Variants in ARID1B observed in about 807,000 individuals in gnomAD.
The protein encoded by ARID1B is AT-rich interaction domain 1B.
In ARID1B, 30 loss-of-function variants were observed where a neutral mutation model predicts 212.3. The ratio of observed to expected loss-of-function variants is 0.14; its 90% CI spans 0.11 to 0.19. ARID1B has a LOEUF of 0.19. Ranked by LOEUF, ARID1B falls within the 10% of genes least tolerant of loss-of-function variation. ARID1B has a pLI of 1.00. For missense variants in ARID1B, 2,891 were observed against 3,204.0 expected (o/e 0.90, Z 2.36); for synonymous variants, 1,402 against 1,301.7 (o/e 1.08, Z -1.66).
chr6:156,860,860 G>A (rs1041739888), intron 2 of ARID1B, among the ~76,000 whole-genome samples: 39 of 152,040 alleles, frequency 2.6e-4, no homozygotes, highest in African/African-American at 8.9e-4. Flanking sequence ...AGAAAATCTG[G>A]ATCTCTTTAG....
At chr6:157,183,613 G>T (rs1427846570) in intron 12 of ARID1B, among the ~76,000 whole-genome samples, 1 of 152,194 alleles carries the variant, frequency 6.6e-6, no homozygotes, top group African/African-American at 2.4e-5. Context: ...TTGCGACTGT[G>T]TTGTCTCCAG....
chr6:156,874,297 G>A (rs139942829), intron 2 of ARID1B, among the ~76,000 whole-genome samples: 27 of 152,272 alleles, frequency 1.8e-4, no homozygotes, highest in African/African-American at 6.5e-4. Context: ...ACTCCTGGTA[G>A]GCTCAAGCTA....
At chr6:157,176,811 A>G (rs2128308683) in intron 11 of ARID1B, among the ~76,000 whole-genome samples, 1 of 152,338 alleles carries the variant, frequency 6.6e-6, no homozygotes, top group African/African-American at 2.4e-5. Context: ...GCGCCACTGC[A>G]CTCCAGCCTG....
intron 5 of ARID1B, 126 bp from the exon 6 acceptor site, chr6:157,110,345 CT>C: frequency 6.6e-6 from 5 of 754,760 alleles, no homozygotes; most frequent in South Asian, 1.6e-5. Flanking sequence ...TGAGCTATGT[CT>C]TTTTTTAATG....
chr6:157,200,963 A>G lies in ARID1B; in HGVS notation c.4738A>G (p.Ser1580Gly), dbSNP rs1464031481. The G allele has an allele frequency of 1.9e-6, 3 of 1,613,998 alleles. No individual in the cohort carries two copies. The African/African-American group carries it at 4.0e-5, about 22-fold the overall frequency. Residue 1580 changes from serine to glycine, a missense_variant, in exon 18 of 20, where the codon AGT (serine) becomes GGT (glycine). Ser to Gly is a moderately conservative substitution (Grantham distance 56). Transcript: ENST00000636930. The surrounding 1 kb of genome is among the most constrained non-coding windows in gnomAD (Gnocchi z 4.3). ...MMGGPLQSSS[S>G]EGPQQNMWAA... is the part of the protein sequence containing the mutation. ...GGGCGGCCCGCTGCAGTCGTCCTCC[A>G]GTGAGGGGCCTCAGCAGAATATGTG...
At chr6:157,189,278 G>A (rs1055213109) in intron 13 of ARID1B, among the ~76,000 whole-genome samples, 5 of 152,150 alleles carry the variant, frequency 3.3e-5, no homozygotes, top group African/African-American at 1.2e-4. Context: ...ATTATTTCCA[G>A]TCTAGACAAC....
At chr6:157,119,161 C>A (rs1320161563) in intron 6 of ARID1B, among the ~76,000 whole-genome samples, 3 of 152,172 alleles carry the variant, frequency 2.0e-5, no homozygotes, top group Non-Finnish European at 1.5e-5. Flanking sequence ...CAACTCTTCC[C>A]CAGTAGAGGT....
rs984730132 is a variant in ARID1B at position 156,931,854 on chromosome 6, C to T, written c.2137-3612C>T. ...GCGCATGCCTGTAATCCCAGCTACT[C>T]GGGAGGCTGAGGCAGGAGAATCGCT... is the stretch of plus-strand genomic sequence containing the variant. On this transcript the variant is annotated intron_variant, in intron 3 of 19. Transcript: ENST00000636930. Among the ~76,000 whole-genome samples the T allele has an allele frequency of 5.3e-5, 8 of 150,230 alleles. No homozygotes were observed. The South Asian group carries it at 6.3e-4, about 12-fold the overall frequency.
chr6:157,072,731 T>A (rs1394209465), intron 4 of ARID1B, among the ~76,000 whole-genome samples: 1 of 152,246 alleles, frequency 6.6e-6, no homozygotes, highest in African/African-American at 2.4e-5. Context: ...AAAATCAAAA[T>A]AATCACTAAC....
intron 3 of ARID1B, among the ~76,000 whole-genome samples, chr6:156,905,245 T>G (rs1277223422): frequency 2.4e-5 from 2 of 83,036 alleles, no homozygotes; most frequent in Non-Finnish European, 4.8e-5. Flanking sequence ...TGCTCACATA[T>G]GCACGCACAC....
intron 4 of ARID1B, among the ~76,000 whole-genome samples, chr6:156,989,428 A>G (rs567052514): frequency 6.6e-6 from 1 of 152,266 alleles, no homozygotes; most frequent in African/African-American, 2.4e-5. Flanking sequence ...AATACATGTT[A>G]ATCTTCAAAA....
chr6:157,127,565 A>G (rs1202311949), intron 6 of ARID1B, among the ~76,000 whole-genome samples: 2 of 151,412 alleles, frequency 1.3e-5, no homozygotes, highest in African/African-American at 4.9e-5. Context: ...AGGTCAGGAG[A>G]TCGAGACCAT....
At chr6:157,049,358 G>A (rs1255059664) in intron 4 of ARID1B, among the ~76,000 whole-genome samples, 4 of 152,094 alleles carry the variant, frequency 2.6e-5, no homozygotes, top group African/African-American at 9.7e-5. Flanking sequence ...CTTGCAGTAG[G>A]TGTGGCCTTA....
chr6:156,810,194 C>G (rs1562401920), intron 1 of ARID1B, among the ~76,000 whole-genome samples: 1 of 152,136 alleles, frequency 6.6e-6, no homozygotes, highest in South Asian at 2.1e-4. Context: ...ACACATTGTC[C>G]TATATTGGTA....
chr6:157,078,228 G>A lies in ARID1B; in HGVS notation c.2248-6434G>A, dbSNP rs772659132. 5.3e-5 allele frequency among the ~76,000 whole-genome samples: 8 copies of A among 152,158 alleles called. 1 individual carries two copies. The South Asian group carries it at 1.0e-3, about 20-fold the overall frequency. On this transcript the variant is annotated intron_variant, in intron 4 of 19. Transcript: ENST00000636930. ...TGCATAGTATCTGGAGCACTTAGAC[G>A]GCCCTTGATCAGTGGTGGTATCAGT...
rs188557456 is a variant in ARID1B, at chr6:156,907,815, C to T, written c.2136+6290C>T. On this transcript the variant is annotated intron_variant, in intron 3 of 19. Transcript: ENST00000636930. The stretch of plus-strand genomic sequence containing the variant: ...CCCAGCTACTTGGGAGGCTGAGGCA[C>T]GAGAATTGCTTGAACCTGGGAGGCA... 6.9e-4 allele frequency among the ~76,000 whole-genome samples: 102 copies of T among 148,520 alleles called. No individual in the cohort carries two copies. The East Asian group carries it at 0.016, about 24-fold the overall frequency.
At chr6:156,980,656 A>C (rs902423510) in intron 4 of ARID1B, among the ~76,000 whole-genome samples, 1 of 152,116 alleles carries the variant, frequency 6.6e-6, no homozygotes, top group African/African-American at 2.4e-5. Context: ...AATCGCCTGC[A>C]CTGTTGTGGC....
chr6:157,158,391 G>A (rs948914100), intron 8 of ARID1B, among the ~76,000 whole-genome samples: 3 of 152,136 alleles, frequency 2.0e-5, no homozygotes, highest in Non-Finnish European at 4.4e-5. Flanking sequence ...TTTTATTAGA[G>A]GTTTCTACAC....
At chr6:157,018,184 A>C (rs917671423) in intron 4 of ARID1B, among the ~76,000 whole-genome samples, 2 of 151,080 alleles carry the variant, frequency 1.3e-5, no homozygotes, top group African/African-American at 2.4e-5. Context: ...TTTTAGTAGG[A>C]AAGAATGTCT....
Sources: gnomAD v4.1 joint callset for allele counts (sites outside exome capture counted in the v4.1 genomes callset) on GRCh38, gnomAD v4.1.1 for gene constraint, Gnocchi (gnomAD v3.1) non-coding constraint, MANE v1.5 for transcripts, NCBI Gene and HGNC (gene_info 2026-07-23, HGNC 2026-07-21) for gene names.